SBF2: variants seen among roughly 807,000 people sequenced by gnomAD.
SBF2 encodes the protein SET binding factor 2.
A neutral mutation model predicts 225.2 loss-of-function variants in SBF2; 112 were observed. The ratio of observed to expected loss-of-function variants is 0.50; its 90% CI spans 0.43 to 0.58. The LOEUF (loss-of-function observed/expected upper bound fraction) is 0.58, where lower values mean the gene tolerates loss of function less well. Ranked by LOEUF, SBF2 falls within the 20% of genes least tolerant of loss-of-function variation. SBF2 has a pLI of 0.00. For synonymous variants in SBF2, 763 were observed against 773.3 expected (o/e 0.99, Z 0.22); for missense variants, 1,996 against 2,206.2 (o/e 0.90, Z 1.91).
At chr11:9,789,391 C>A (rs1852592300) in intron 34 of SBF2, 49 bp from the exon 35 acceptor site, 3 of 1,420,962 alleles carry the variant, frequency 2.1e-6, no homozygotes, top group Non-Finnish European at 2.0e-6. Context: ...CAAAGTACCC[C>A]AAGCTCACTG....
chr11:9,856,355 A>C, intron 19 of SBF2, 103 bp downstream of exon 19: 1 of 1,441,000 alleles, frequency 6.9e-7, no homozygotes, highest in South Asian at 1.2e-5. Context: ...AACTTTTGAA[A>C]TATGTACAGC....
chr11:10,257,838 A>G (rs1252549609), intron 1 of SBF2, among the ~76,000 whole-genome samples: 4 of 151,638 alleles, frequency 2.6e-5, no homozygotes, highest in Non-Finnish European at 5.9e-5. Context: ...CTCTATAAAA[A>G]CTAGAAAAAT....
At chr11:9,787,540 C>A in intron 36 of SBF2, 94 bp downstream of exon 36, 1 of 1,046,160 alleles carries the variant, frequency 9.6e-7, no homozygotes, top group Non-Finnish European at 1.5e-6. Flanking sequence ...GCCATAAACC[C>A]AGCTGGGTCT....
intron 2 of SBF2, among the ~76,000 whole-genome samples, chr11:10,121,015 C>T (rs1337594247): frequency 6.6e-6 from 1 of 152,168 alleles, no homozygotes; most frequent in African/African-American, 2.4e-5. Flanking sequence ...ATCTACCTGC[C>T]TCGGCCTCCC....
At chr11:10,111,162 T>A (rs2135011945) in intron 2 of SBF2, among the ~76,000 whole-genome samples, 2 of 152,330 alleles carry the variant, frequency 1.3e-5, no homozygotes, top group Middle Eastern at 3.4e-3. Flanking sequence ...ATGAATATTT[T>A]AAATTTAGTA....
chr11:10,030,986 T>C (rs1426724295), intron 4 of SBF2, 62 bp downstream of exon 4: 13 of 1,397,240 alleles, frequency 9.3e-6, no homozygotes, highest in Non-Finnish European at 1.2e-5. Context: ...ACTTGTACCA[T>C]GGTTCATTCA....
intron 22 of SBF2, 106 bp from the exon 23 acceptor site, chr11:9,847,189 G>T: frequency 7.2e-7 from 1 of 1,387,010 alleles, no homozygotes; most frequent in East Asian, 2.3e-5. Context: ...TATTTGAAGA[G>T]GACACTGCCC....
At chr11:9,868,400 C>T (rs1366783762) in intron 17 of SBF2, among the ~76,000 whole-genome samples, 1 of 148,830 alleles carries the variant, frequency 6.7e-6, no homozygotes, top group Non-Finnish European at 1.5e-5. Context: ...CGCCTGTAGT[C>T]CCAGCTACTC....
chr11:10,216,202 T>G (rs1179449514), intron 1 of SBF2, among the ~76,000 whole-genome samples: 1 of 152,214 alleles, frequency 6.6e-6, no homozygotes, highest in Non-Finnish European at 1.5e-5. Flanking sequence ...CAGTAGGACT[T>G]AAGTCTAAGA....
At chr11:9,836,952 T>G (rs554679628) in intron 26 of SBF2, among the ~76,000 whole-genome samples, 1 of 152,344 alleles carries the variant, frequency 6.6e-6, no homozygotes, top group South Asian at 2.1e-4. Flanking sequence ...AGTGACCTTG[T>G]ACTAAATCCA....
At chr11:10,275,647 ATCC>A (rs999623753) in intron 1 of SBF2, among the ~76,000 whole-genome samples, 1 of 151,940 alleles carries the variant, frequency 6.6e-6, no homozygotes, top group African/African-American at 2.4e-5. Flanking sequence ...AAGTATCCCA[ATCC>A]TCCTCATTTC....
chr11:9,944,828 A>G (rs1050887541), intron 16 of SBF2, among the ~76,000 whole-genome samples: 1 of 152,200 alleles, frequency 6.6e-6, no homozygotes, highest in South Asian at 2.1e-4. Flanking sequence ...ATGTGGTGCC[A>G]GGAGTGGGAG....
intron 1 of SBF2, among the ~76,000 whole-genome samples, chr11:10,203,707 T>C (rs552148914): frequency 6.6e-6 from 1 of 152,248 alleles, no homozygotes; most frequent in South Asian, 2.1e-4. Flanking sequence ...AAATTATCAT[T>C]ATGTTGCATA....
chr11:10,020,149 C>T (rs1214717501), intron 6 of SBF2, among the ~76,000 whole-genome samples: 1 of 152,002 alleles, frequency 6.6e-6, no homozygotes, highest in African/African-American at 2.4e-5. Flanking sequence ...GGCAGTTTCC[C>T]AAGATAGAAA....
At chr11:10,121,067 G>A (rs1953422455) in intron 2 of SBF2, among the ~76,000 whole-genome samples, 1 of 152,168 alleles carries the variant, frequency 6.6e-6, no homozygotes, top group South Asian at 2.1e-4. Context: ...CGCCCCGCCT[G>A]TTTTTTGTTT....
intron 32 of SBF2, among the ~76,000 whole-genome samples, chr11:9,804,934 A>G (rs1564869342): frequency 6.6e-6 from 1 of 152,078 alleles, no homozygotes; most frequent in Non-Finnish European, 1.5e-5. Flanking sequence ...GGCAACCAAT[A>G]ATTTATGATC....
chr11:10,130,529 T>C (rs1348751245), intron 2 of SBF2, among the ~76,000 whole-genome samples: 11 of 152,334 alleles, frequency 7.2e-5, no homozygotes, highest in East Asian at 1.9e-4. Context: ...ATTTCTTATA[T>C]AATACAATAT....
rs546926824 is a variant in SBF2, at chr11:10,062,951, A to G, written c.142-19970T>C. On this transcript the variant is annotated intron_variant, in intron 2 of 39. Coordinates refer to ENST00000256190, the MANE Select transcript of SBF2 (RefSeq NM_030962.4). ...ATGGAATCAACCTAAATGCTCATCAATGACAGACAGGATAAAGAAAATGTG... is the reference window on the plus strand; with the variant it reads ...ATGGAATCAACCTAAATGCTCATCAGTGACAGACAGGATAAAGAAAATGTG... Among the ~76,000 whole-genome samples, 4 of 152,340 alleles carry G rather than the reference A, an allele frequency of 2.6e-5. No individual in the cohort carries two copies. In the East Asian group the frequency reaches 5.8e-4, roughly 22 times the overall value.
At chr11:10,053,699 G>A (rs1017135309) in intron 2 of SBF2, among the ~76,000 whole-genome samples, 3 of 151,790 alleles carry the variant, frequency 2.0e-5, no homozygotes, top group Admixed American at 2.0e-4. Context: ...AGGCTGCAAT[G>A]AGCTGAGATC....
Sources: gnomAD v4.1 joint callset for allele counts (sites outside exome capture counted in the v4.1 genomes callset) on GRCh38, gnomAD v4.1.1 for gene constraint, MANE v1.5 for transcripts, NCBI Gene and HGNC (gene_info 2026-07-23, HGNC 2026-07-21) for gene names.